The following DCC variants were observed in gnomAD, a reference collection of about 807,000 sequenced individuals.
DCC encodes the protein DCC netrin 1 receptor.
DCC carries 58 observed loss-of-function variants against 172.5 expected under a neutral mutation model. That is an observed-to-expected ratio of 0.34 (90% confidence interval 0.27 to 0.42). The LOEUF (loss-of-function observed/expected upper bound fraction) is 0.42, where lower values mean the gene tolerates loss of function less well. DCC is among the 10% of genes least tolerant of loss of function. The probability of loss-of-function intolerance (pLI) is 1.00; values close to 1 mark genes in which losing one functional copy is unlikely to be tolerated. For missense variants in DCC, 1,740 were observed against 1,791.0 expected (o/e 0.97, Z 0.51); for synonymous variants, 709 against 644.5 (o/e 1.10, Z -1.52).
At chr18:52,962,061 G>C (rs1049073290) in intron 5 of DCC, among the ~76,000 whole-genome samples, 4 of 151,984 alleles carry the variant, frequency 2.6e-5, no homozygotes, top group Non-Finnish European at 5.9e-5. Context: ...AGGACTTCAT[G>C]TCTAAAACAC....
intron 2 of DCC, among the ~76,000 whole-genome samples, chr18:52,873,031 T>C (rs964171775): frequency 3.3e-5 from 5 of 152,204 alleles, no homozygotes; most frequent in African/African-American, 1.2e-4. Context: ...GACAGTCTAT[T>C]TGTAATATAA....
At chr18:53,288,542 C>A (rs554187689) in intron 12 of DCC, among the ~76,000 whole-genome samples, 3 of 151,964 alleles carry the variant, frequency 2.0e-5, no homozygotes, top group African/African-American at 7.2e-5. Flanking sequence ...TAGTTTTATT[C>A]TTTTCCTTGT....
intron 12 of DCC, among the ~76,000 whole-genome samples, chr18:53,226,691 AAAAC>A (rs1053420485): frequency 3.3e-5 from 5 of 151,928 alleles, no homozygotes; most frequent in Admixed American, 6.6e-5. Context: ...GTTGGCCAAA[AAAAC>A]AAACAAACAA....
intron 1 of DCC, among the ~76,000 whole-genome samples, chr18:52,544,404 G>A (rs541870019): frequency 4.0e-5 from 6 of 151,652 alleles, no homozygotes; most frequent in East Asian, 3.9e-4. Flanking sequence ...ATCCCCATTG[G>A]CATTTCCTTC....
At chr18:53,365,207 A>T (rs2057991390) in intron 15 of DCC, among the ~76,000 whole-genome samples, 1 of 151,932 alleles carries the variant, frequency 6.6e-6, no homozygotes, top group South Asian at 2.1e-4. Flanking sequence ...TAGTTTACTG[A>T]GAATGATGGT....
At chr18:53,110,459 A>C (rs562885935) in intron 7 of DCC, among the ~76,000 whole-genome samples, 3 of 151,838 alleles carry the variant, frequency 2.0e-5, no homozygotes, top group Non-Finnish European at 4.4e-5. Context: ...AAAACAAAAG[A>C]GGGCTTTTGC....
At chr18:53,224,356 GAGAAT>G (rs1285465636) in intron 12 of DCC, among the ~76,000 whole-genome samples, 1 of 152,210 alleles carries the variant, frequency 6.6e-6, no homozygotes, top group Non-Finnish European at 1.5e-5. Flanking sequence ...AAGCTGAAAT[GAGAAT>G]AGAATAGAAG....
At chr18:52,502,840 T>TGG (rs2031083445) in intron 1 of DCC, among the ~76,000 whole-genome samples, 1 of 152,218 alleles carries the variant, frequency 6.6e-6, no homozygotes, top group African/African-American at 2.4e-5. Context: ...GGAAGTGCAT[T>TGG]CAGTGACATC....
At chr18:52,977,847 T>C (rs542238426) in intron 5 of DCC, among the ~76,000 whole-genome samples, 4 of 146,546 alleles carry the variant, frequency 2.7e-5, no homozygotes, top group African/African-American at 1.0e-4. Flanking sequence ...ATCACACCAC[T>C]GCACTCCAGC....
chr18:53,393,655 G>T (rs1255613405), intron 17 of DCC, among the ~76,000 whole-genome samples: 1 of 152,180 alleles, frequency 6.6e-6, no homozygotes, highest in South Asian at 2.1e-4. Context: ...TCACAGAATG[G>T]CCATGGCGAC....
chr18:52,974,031 G>T (rs1380959866), intron 5 of DCC, among the ~76,000 whole-genome samples: 1 of 152,112 alleles, frequency 6.6e-6, no homozygotes, highest in South Asian at 2.1e-4. Context: ...GATAAAAATT[G>T]TTAGTGTATT....
At chr18:53,437,530 C>G (rs1912020458) in intron 22 of DCC, among the ~76,000 whole-genome samples, 1 of 141,108 alleles carries the variant, frequency 7.1e-6, no homozygotes, top group South Asian at 2.2e-4. Flanking sequence ...TTGCAGTGAG[C>G]CGAGATCACA....
At chr18:52,962,148 A>G (rs1015819110) in intron 5 of DCC, among the ~76,000 whole-genome samples, 13 of 150,690 alleles carry the variant, frequency 8.6e-5, no homozygotes, top group Non-Finnish European at 1.2e-4. Context: ...CAGCAAAAGA[A>G]ACTACCATCA....
intron 12 of DCC, among the ~76,000 whole-genome samples, chr18:53,269,117 C>T (rs149915912): frequency 1.9e-3 from 286 of 152,046 alleles, no homozygotes; most frequent in African/African-American, 6.5e-3. Context: ...TGTGCATGCA[C>T]GCGCATGCCT....
intron 2 of DCC, among the ~76,000 whole-genome samples, chr18:52,776,782 T>A (rs774889595): frequency 2.2e-4 from 34 of 152,202 alleles, no homozygotes; most frequent in Non-Finnish European, 2.5e-4. Flanking sequence ...CATAAAACAA[T>A]GTTCCTTATT....
chr18:52,825,304 G>A (rs2038490220), intron 2 of DCC, among the ~76,000 whole-genome samples: 1 of 151,942 alleles, frequency 6.6e-6, no homozygotes, highest in Admixed American at 6.6e-5. Flanking sequence ...TAACTAATAA[G>A]GTACTTATAA....
rs1478631437 is a variant in DCC at position 53,531,842 on chromosome 18, G to A, written c.*1189G>A. The A allele has an allele frequency of 6.6e-6, 1 of 152,220 alleles. No homozygotes were observed. Among genetic ancestry groups the A allele is most frequent in the Non-Finnish European group, 1.5e-5 (1 of 68,070 alleles). The allele number at this position is 152,220 out of a possible 1,614,324, so 9.4% of individuals were successfully genotyped here. On this transcript the variant is annotated 3_prime_UTR_variant, in exon 29 of 29. Transcript: ENST00000442544. ...TACACTACACCTGTGTCAGAGTCAG[G>A]GGGAAGCAGAGGGGCAGGTGCCACC...
Position 53,213,587 on chromosome 18 carries a change from G to A in DCC, c.1862-1961G>A, listed in dbSNP as rs74565020. On this transcript the variant is annotated intron_variant, in intron 11 of 28. Coordinates refer to ENST00000442544, the MANE Select transcript of DCC (RefSeq NM_005215.4). ...GGTGTGAACCCGGGAGACGAAGGTTGCAGTGAGCTGAGATCGTGCCACTGC... is the reference window on the plus strand; with the variant it reads ...GGTGTGAACCCGGGAGACGAAGGTTACAGTGAGCTGAGATCGTGCCACTGC... Among the ~76,000 whole-genome samples, 206 of 139,326 alleles carry A rather than the reference G, an allele frequency of 1.5e-3. 2 individuals are homozygous for A. Among genetic ancestry groups the A allele is most frequent in the South Asian group, 0.013 (59 of 4,454 alleles). 91.4% of individuals were successfully genotyped at this position (139,326 alleles called of 152,430 possible).
intron 7 of DCC, among the ~76,000 whole-genome samples, chr18:53,088,095 T>C (rs1329389250): frequency 6.6e-6 from 1 of 152,208 alleles, no homozygotes; most frequent in Non-Finnish European, 1.5e-5. Flanking sequence ...GGCTCTTTTT[T>C]GGTTCCATAT....
Sources: gnomAD v4.1 joint callset for allele counts (sites outside exome capture counted in the v4.1 genomes callset) on GRCh38, gnomAD v4.1.1 for gene constraint, MANE v1.5 for transcripts, NCBI Gene and HGNC (gene_info 2026-07-23, HGNC 2026-07-21) for gene names.